Variants in HIVEP3 observed in about 807,000 individuals in gnomAD.
The protein encoded by HIVEP3 is HIVEP zinc finger 3, also known as transcription factor HIVEP3.
In HIVEP3, 49 loss-of-function variants were observed where a neutral mutation model predicts 152.8. The ratio of observed to expected loss-of-function variants is 0.32; its 90% CI spans 0.26 to 0.41. HIVEP3 has a LOEUF of 0.41. Ranked by LOEUF, HIVEP3 falls within the 10% of genes least tolerant of loss-of-function variation. The pLI is 1.00. For synonymous variants in HIVEP3, 1,269 were observed against 1,289.0 expected (o/e 0.98, Z 0.33); for missense variants, 2,790 against 3,103.3 (o/e 0.90, Z 2.40).
intron 1 of HIVEP3, among the ~76,000 whole-genome samples, chr1:41,971,930 G>A (rs1470977159): frequency 6.6e-6 from 1 of 152,192 alleles, no homozygotes; most frequent in Non-Finnish European, 1.5e-5. Flanking sequence ...CGGTGTTCCT[G>A]CCCTCCAGAG....
At chr1:41,836,600 G>A (rs1643130943) in intron 1 of HIVEP3, among the ~76,000 whole-genome samples, 1 of 152,250 alleles carries the variant, frequency 6.6e-6, no homozygotes, top group African/African-American at 2.4e-5. Context: ...AACTGGTCAT[G>A]TGGATTCCCA....
chr1:41,718,550 G>C (rs1646629246), intron 1 of HIVEP3, among the ~76,000 whole-genome samples: 1 of 152,180 alleles, frequency 6.6e-6, no homozygotes, highest in Non-Finnish European at 1.5e-5. Flanking sequence ...AACCCTGCTG[G>C]AATGGGAACA....
intron 1 of HIVEP3, among the ~76,000 whole-genome samples, chr1:41,794,861 T>C (rs746715774): frequency 6.6e-6 from 1 of 152,252 alleles, no homozygotes; most frequent in Non-Finnish European, 1.5e-5. Flanking sequence ...AGTTTCCATA[T>C]ACCCTTCAAA....
intron 1 of HIVEP3, among the ~76,000 whole-genome samples, chr1:41,762,655 T>G (rs577018875): frequency 6.6e-6 from 1 of 152,268 alleles, no homozygotes; most frequent in South Asian, 2.1e-4. Context: ...GTGCTGGCAC[T>G]TGGAGCAGCT....
In HIVEP3 at chr1:41,685,198, T is replaced by TTGAA. The variant is rs1468549560; in HGVS notation, c.-721+15714_-721+15717dup. Among the ~76,000 whole-genome samples the TTGAA allele has an allele frequency of 7.2e-5, 11 of 152,270 alleles. No homozygotes were observed. In the South Asian group the frequency reaches 8.3e-4, roughly 11 times the overall value. ...TGTTTTGCAAACTGTACCTTGCTGT[T>TTGAA]TGAATGCAAGGTGCTACTCCCCCAA... On this transcript the variant is annotated intron_variant, in intron 2 of 8. Coordinates refer to ENST00000372583, the MANE Select transcript of HIVEP3 (RefSeq NM_024503.5).
At chr1:41,563,275 A>G (rs1417375766) in intron 5 of HIVEP3, among the ~76,000 whole-genome samples, 1 of 152,000 alleles carries the variant, frequency 6.6e-6, no homozygotes, top group African/African-American at 2.4e-5. Flanking sequence ...TGAACCCAGG[A>G]GGCGGAGGTG....
chr1:41,893,274 T>C (rs1271680253), intron 1 of HIVEP3, among the ~76,000 whole-genome samples: 1 of 151,864 alleles, frequency 6.6e-6, no homozygotes. Context: ...TGTAAGGAAA[T>C]AAGGTGATAA....
chr1:41,868,867 A>C (rs1028982308), intron 1 of HIVEP3, among the ~76,000 whole-genome samples: 1 of 152,258 alleles, frequency 6.6e-6, no homozygotes, highest in Non-Finnish European at 1.5e-5. Flanking sequence ...GCTTAAGTGA[A>C]CAATTAAAAC....
At chr1:41,900,541 C>T (rs1179212911) in intron 1 of HIVEP3, among the ~76,000 whole-genome samples, 2 of 152,080 alleles carry the variant, frequency 1.3e-5, no homozygotes, top group Non-Finnish European at 2.9e-5. Context: ...CCCCTTATTG[C>T]CTCTCCCTGG....
chr1:41,876,147 G>GTAAGAA (rs1644167641), intron 1 of HIVEP3, among the ~76,000 whole-genome samples: 1 of 150,780 alleles, frequency 6.6e-6, no homozygotes, highest in South Asian at 2.1e-4. Flanking sequence ...TGAAAGGATA[G>GTAAGAA]TAAGAATAAG....
At chr1:41,723,106 A>G (rs1432106701) in intron 1 of HIVEP3, among the ~76,000 whole-genome samples, 1 of 151,926 alleles carries the variant, frequency 6.6e-6, no homozygotes, top group African/African-American at 2.4e-5. Context: ...TGTTCTAGAA[A>G]GATCCCCCTG....
At chr1:41,953,059 C>T (rs1557537131) in intron 1 of HIVEP3, among the ~76,000 whole-genome samples, 1 of 152,132 alleles carries the variant, frequency 6.6e-6, no homozygotes, top group Non-Finnish European at 1.5e-5. Context: ...TGACACTGCT[C>T]CTGGTTATGG....
rs185275779 is a variant in HIVEP3, at chr1:41,753,316, A to G, written c.-800-52321T>C. 3.9e-5 allele frequency among the ~76,000 whole-genome samples: 6 copies of G among 152,314 alleles called. No homozygotes were observed. In the East Asian group the frequency reaches 1.2e-3, roughly 29 times the overall value. On this transcript the variant is annotated intron_variant, in intron 1 of 8. Transcript: ENST00000372583. ...CCTAAGGAAATAATCATGACTGTGT[A>G]TGAGTAATTCACTCCAAGGATATTC...
chr1:41,906,953 C>T (rs935702496), intron 1 of HIVEP3, among the ~76,000 whole-genome samples: 5 of 151,668 alleles, frequency 3.3e-5, no homozygotes, highest in African/African-American at 9.7e-5. Flanking sequence ...GTTTCCAGCA[C>T]TGCCATTACA....
intron 1 of HIVEP3, among the ~76,000 whole-genome samples, chr1:42,030,413 T>C (rs748947759): frequency 9.2e-5 from 14 of 152,130 alleles, no homozygotes; most frequent in African/African-American, 2.9e-4. Flanking sequence ...AAAGGAAACA[T>C]GAAAACTATG....
At chr1:41,806,247 C>G (rs978449569) in intron 1 of HIVEP3, among the ~76,000 whole-genome samples, 6 of 152,244 alleles carry the variant, frequency 3.9e-5, no homozygotes, top group Non-Finnish European at 7.3e-5. Flanking sequence ...ATCATCCCCT[C>G]TCTTCCTGTT....
chr1:41,602,093 C>T (rs1369066912), intron 3 of HIVEP3, among the ~76,000 whole-genome samples: 3 of 151,010 alleles, frequency 2.0e-5, no homozygotes, highest in Non-Finnish European at 4.4e-5. Context: ...GGGATAAATC[C>T]CACTTGGTCA....
chr1:41,686,602 C>T (rs531536243), intron 2 of HIVEP3, among the ~76,000 whole-genome samples: 1 of 152,256 alleles, frequency 6.6e-6, no homozygotes, highest in South Asian at 2.1e-4. Flanking sequence ...GTGCTGTGTA[C>T]TTCTAAGTAC....
chr1:41,722,925 G>A (rs1646698977), intron 1 of HIVEP3, among the ~76,000 whole-genome samples: 1 of 152,184 alleles, frequency 6.6e-6, no homozygotes, highest in African/African-American at 2.4e-5. Flanking sequence ...ATGTGTGTGT[G>A]TGAGCTAGGA....
Sources: allele counts gnomAD v4.1 joint callset (sites outside exome capture counted in the v4.1 genomes callset), GRCh38; gene constraint gnomAD v4.1.1; transcripts MANE v1.5; gene names NCBI Gene and HGNC (gene_info 2026-07-23, HGNC 2026-07-21).